Variants in OR14A2 observed in about 807,000 individuals in gnomAD.
OR14A2 encodes the protein olfactory receptor 14A2.
For synonymous variants in OR14A2, 114 were observed against 58.6 expected (o/e 1.95, Z -4.32); for missense variants, 237 against 152.9 (o/e 1.55, Z -2.90).
chr1:247,729,501 C>T, the OR14A2 span, among the ~76,000 whole-genome samples: 23 of 152,136 alleles, frequency 1.5e-4, no homozygotes, highest in African/African-American at 5.3e-4. Context: ...TGAAGATTTG[C>T]TTGTAGCTCT....
chr1:247,728,339 T>C (rs1660436644), upstream of OR14A2, among the ~76,000 whole-genome samples: 1 of 152,040 alleles, frequency 6.6e-6, no homozygotes, highest in Admixed American at 6.6e-5. Context: ...ATTATCTCAA[T>C]AGATGCAGAA....
chr1:247,737,730 T>C, the OR14A2 span, among the ~76,000 whole-genome samples: 1 of 152,096 alleles, frequency 6.6e-6, no homozygotes, highest in African/African-American at 2.4e-5. Context: ...AAAGACAAGA[T>C]GATCTGAGGG....
chr1:247,723,346 G>A (rs142212925), exon 1 of OR14A2: 12,274 of 717,520 alleles, frequency 0.017, 145 homozygotes, highest in Middle Eastern at 0.039. Context: ...AAAAGCTTTG[G>A]ACTGACCTTT....
At chr1:247,745,631 A>G in the OR14A2 span, among the ~76,000 whole-genome samples, 1 of 152,102 alleles carries the variant, frequency 6.6e-6, no homozygotes, top group Non-Finnish European at 1.5e-5. Flanking sequence ...TGAGACCTAC[A>G]GGACCTAAAT....
At chr1:247,738,737 A>T in the OR14A2 span, 3 of 780,768 alleles carry the variant, frequency 3.8e-6, no homozygotes, top group Non-Finnish European at 4.8e-6. Flanking sequence ...TGATGAATTT[A>T]GTCATCATTC....
chr1:247,742,326 A>T, the OR14A2 span, among the ~76,000 whole-genome samples: 1 of 138,718 alleles, frequency 7.2e-6, no homozygotes, highest in Non-Finnish European at 1.6e-5. Context: ...CCACTGTGGA[A>T]TGTAATCTGA....
the OR14A2 span, among the ~76,000 whole-genome samples, chr1:247,735,638 T>C: frequency 6.6e-6 from 1 of 152,190 alleles, no homozygotes; most frequent in African/African-American, 2.4e-5. Flanking sequence ...TGTTTAAAGC[T>C]GCTTTAAAAG....
chr1:247,736,939 T>C, the OR14A2 span, among the ~76,000 whole-genome samples: 1 of 152,120 alleles, frequency 6.6e-6, no homozygotes, highest in African/African-American at 2.4e-5. Context: ...TGCTCATGAG[T>C]CTTTTCAACT....
At chr1:247,725,687 C>G (rs1213749998), upstream of OR14A2, among the ~76,000 whole-genome samples, 1 of 109,640 alleles carries the variant, frequency 9.1e-6, no homozygotes, top group African/African-American at 3.5e-5. Flanking sequence ...CCCCCTCCCC[C>G]CACCCCACCA....
chr1:247,727,864 C>T (rs370441714), upstream of OR14A2, among the ~76,000 whole-genome samples: 1 of 147,066 alleles, frequency 6.8e-6, no homozygotes, highest in African/African-American at 2.6e-5. Context: ...TCTCCCAAGA[C>T]TAAACCAGGA....
chr1:247,747,508 C>T, the OR14A2 span, among the ~76,000 whole-genome samples: 75 of 152,074 alleles, frequency 4.9e-4, no homozygotes, highest in South Asian at 0.016. Context: ...ACTACAGGCG[C>T]TCGCCACCAC....
the OR14A2 span, chr1:247,746,242 A>G: frequency 2.0e-5 from 3 of 152,208 alleles, no homozygotes; most frequent in Non-Finnish European, 4.4e-5. Flanking sequence ...CAGAAGAGTC[A>G]TTGTGAATAA....
At chr1:247,745,830 G>T in the OR14A2 span, among the ~76,000 whole-genome samples, 8 of 152,132 alleles carry the variant, frequency 5.3e-5, no homozygotes, top group African/African-American at 1.9e-4. Flanking sequence ...TAATGTTAAG[G>T]AAGGATGGAC....
At chr1:247,730,458 CCT>C in the OR14A2 span, among the ~76,000 whole-genome samples, 1 of 152,032 alleles carries the variant, frequency 6.6e-6, no homozygotes, top group South Asian at 2.1e-4. Flanking sequence ...TGTTTTATTT[CCT>C]CTTTCTTTTC....
chr1:247,744,639 T>G, the OR14A2 span, among the ~76,000 whole-genome samples: 8 of 152,296 alleles, frequency 5.3e-5, no homozygotes, highest in African/African-American at 1.9e-4. The surrounding 1 kb of genome is among the most constrained non-coding windows in gnomAD (Gnocchi z 4.3). Context: ...TGTCCATAGA[T>G]CTAGATCTTT....
chr1:247,747,088 CTGAATCAATATAAT>C, the OR14A2 span: 5 of 152,170 alleles, frequency 3.3e-5, no homozygotes, highest in African/African-American at 1.2e-4. Flanking sequence ...ATTTGTTTAT[CTGAATCAATATAAT>C]TTAAAAAACA....
chr1:247,737,978 A>T, the OR14A2 span, among the ~76,000 whole-genome samples: 2 of 152,174 alleles, frequency 1.3e-5, no homozygotes, highest in African/African-American at 4.8e-5. Flanking sequence ...TTGAAAACTG[A>T]TTTGTGAAAA....
upstream of OR14A2, among the ~76,000 whole-genome samples, chr1:247,725,313 G>C (rs929323986): frequency 6.6e-6 from 1 of 151,952 alleles, no homozygotes; most frequent in African/African-American, 2.4e-5. Context: ...ATGTGGAGAA[G>C]CAGTATATAG....
At chr1:247,737,817 A>G in the OR14A2 span, among the ~76,000 whole-genome samples, 3 of 152,168 alleles carry the variant, frequency 2.0e-5, no homozygotes, top group African/African-American at 7.2e-5. Flanking sequence ...TGTCTATCAC[A>G]TAAGAGGACA....
Sources: allele counts gnomAD v4.1 joint callset (sites outside exome capture counted in the v4.1 genomes callset), GRCh38; gene constraint gnomAD v4.1.1; non-coding constraint Gnocchi (gnomAD v3.1); transcripts MANE v1.5; gene names NCBI Gene and HGNC (gene_info 2026-07-23, HGNC 2026-07-21).